Variants in OLFM3 observed in about 807,000 individuals in gnomAD.
OLFM3 encodes the protein olfactomedin 3.
In OLFM3, 20 loss-of-function variants were observed where a neutral mutation model predicts 48.6. The observed-to-expected ratio is 0.41, with a 90% CI of 0.29 to 0.60. The LOEUF (loss-of-function observed/expected upper bound fraction) is 0.60, where lower values mean the gene tolerates loss of function less well. OLFM3 is among the 20% of genes least tolerant of loss of function. The pLI, the probability that OLFM3 is intolerant of heterozygous loss-of-function variation, is 0.28. For synonymous variants in OLFM3, 222 were observed against 198.1 expected (o/e 1.12, Z -1.01); for missense variants, 437 against 544.3 (o/e 0.80, Z 1.96).
chr1:101,985,964 C>T (rs1661221582), intron 1 of OLFM3, among the ~76,000 whole-genome samples: 1 of 142,168 alleles, frequency 7.0e-6, no homozygotes, highest in South Asian at 2.3e-4. Context: ...TGATGAACTA[C>T]ATTTTTTTTT....
At chr1:101,822,955 G>T (rs1017448030) in intron 4 of OLFM3, among the ~76,000 whole-genome samples, 1 of 151,870 alleles carries the variant, frequency 6.6e-6, no homozygotes, top group Non-Finnish European at 1.5e-5. Flanking sequence ...CTGCCATTTT[G>T]ACTCAAATAG....
At chr1:101,811,530 A>G (rs941679832) in intron 4 of OLFM3, among the ~76,000 whole-genome samples, 3 of 152,230 alleles carry the variant, frequency 2.0e-5, no homozygotes, top group Admixed American at 6.5e-5. Context: ...GACGAAGGAT[A>G]TGAACAGACA....
At chr1:101,805,153 T>C (rs1005872028) in intron 5 of OLFM3, among the ~76,000 whole-genome samples, 5 of 151,846 alleles carry the variant, frequency 3.3e-5, no homozygotes, top group African/African-American at 7.2e-5. Context: ...CTTTTTTGCT[T>C]TTTCTCTCTT....
At chr1:101,961,908 G>T (rs1297598139) in intron 1 of OLFM3, among the ~76,000 whole-genome samples, 3 of 152,136 alleles carry the variant, frequency 2.0e-5, no homozygotes, top group Admixed American at 2.0e-4. Flanking sequence ...TCAGGGTTCA[G>T]CTACTTAGCT....
intron 1 of OLFM3, among the ~76,000 whole-genome samples, chr1:101,879,655 T>C (rs1420729650): frequency 2.0e-5 from 3 of 151,856 alleles, no homozygotes. Context: ...TAGATTTAGC[T>C]ATGGATTGAT....
intron 3 of OLFM3, among the ~76,000 whole-genome samples, chr1:101,827,703 C>T (rs1002400709): frequency 6.6e-6 from 1 of 152,060 alleles, no homozygotes; most frequent in Non-Finnish European, 1.5e-5. Flanking sequence ...GACCTAAAGT[C>T]TACTTGGAGA....
intron 1 of OLFM3, among the ~76,000 whole-genome samples, chr1:101,875,820 C>T (rs1657277967): frequency 6.6e-6 from 1 of 151,992 alleles, no homozygotes; most frequent in Non-Finnish European, 1.5e-5. Flanking sequence ...ATGGCCCTGA[C>T]AGTTTTAAAA....
intron 4 of OLFM3, among the ~76,000 whole-genome samples, chr1:101,806,472 C>T (rs1013414305): frequency 1.3e-5 from 2 of 151,516 alleles, no homozygotes; most frequent in African/African-American, 4.8e-5. Context: ...ATCATTATAC[C>T]AGTTCAGTGG....
intron 1 of OLFM3, among the ~76,000 whole-genome samples, chr1:101,985,634 T>G (rs1661213817): frequency 6.6e-6 from 1 of 152,216 alleles, no homozygotes; most frequent in South Asian, 2.1e-4. Context: ...CCATCTCTTT[T>G]GCTTTAACTT....
intron 1 of OLFM3, among the ~76,000 whole-genome samples, chr1:101,964,665 A>G (rs1660560518): frequency 6.6e-6 from 1 of 152,214 alleles, no homozygotes; most frequent in Admixed American, 6.5e-5. Flanking sequence ...TCACCTCACA[A>G]TCATGAAGAA....
intron 1 of OLFM3, among the ~76,000 whole-genome samples, chr1:101,906,157 T>C (rs2101023213): frequency 6.6e-6 from 1 of 152,114 alleles, no homozygotes; most frequent in Non-Finnish European, 1.5e-5. Flanking sequence ...GAGTCTAGAG[T>C]CTTGGAGAAA....
At chr1:101,943,977 C>T (rs1401654486) in intron 1 of OLFM3, among the ~76,000 whole-genome samples, 1 of 151,066 alleles carries the variant, frequency 6.6e-6, no homozygotes, top group African/African-American at 2.4e-5. Context: ...ATAAAATAAC[C>T]CCAAAAGAAT....
At chr1:101,823,193 G>A (rs1654691836) in intron 4 of OLFM3, among the ~76,000 whole-genome samples, 2 of 151,902 alleles carry the variant, frequency 1.3e-5, no homozygotes, top group South Asian at 4.1e-4. Flanking sequence ...CTTGTCCTCG[G>A]AAAAAAAGTC....
At chr1:101,921,295 C>G (rs1481506186) in intron 1 of OLFM3, among the ~76,000 whole-genome samples, 4 of 151,826 alleles carry the variant, frequency 2.6e-5, no homozygotes, top group African/African-American at 9.7e-5. Context: ...TTGATTCAAG[C>G]AAGGTTCTTA....
At chr1:101,834,376 T>A (rs1349661870) in intron 2 of OLFM3, among the ~76,000 whole-genome samples, 1 of 152,224 alleles carries the variant, frequency 6.6e-6, no homozygotes, top group African/African-American at 2.4e-5. Context: ...TGGGAACTAT[T>A]GTTGTAAATA....
At chr1:101,926,536 T>C (rs2101043760) in intron 1 of OLFM3, among the ~76,000 whole-genome samples, 1 of 152,330 alleles carries the variant, frequency 6.6e-6, no homozygotes, top group Admixed American at 6.5e-5. Context: ...CTTGTGACTT[T>C]GGACAAGTTA....
intron 1 of OLFM3, among the ~76,000 whole-genome samples, chr1:101,967,029 T>C (rs984485622): frequency 6.6e-6 from 1 of 152,208 alleles, no homozygotes; most frequent in Non-Finnish European, 1.5e-5. Flanking sequence ...TCTTTTGTCA[T>C]GTTTGCTCAT....
In OLFM3 at chr1:101,986,051, C is replaced by T. The variant is rs374675011; in HGVS notation, c.69+10697G>A. Reference sequence around the variant, plus strand: ...CGCGATCTCGGCTCACTGCAAGCTCCGCCTCCCGGGTTCACGCCATTCTCC... The same window carrying T: ...CGCGATCTCGGCTCACTGCAAGCTCTGCCTCCCGGGTTCACGCCATTCTCC... On this transcript the variant is annotated intron_variant, in intron 1 of 5. Transcript: ENST00000370103. Among the ~76,000 whole-genome samples, 7 of 151,336 alleles carry T rather than the reference C, an allele frequency of 4.6e-5. No individual in the cohort carries two copies. In the East Asian group the frequency reaches 5.8e-4, roughly 13 times the overall value.
intron 4 of OLFM3, among the ~76,000 whole-genome samples, chr1:101,811,921 A>G (rs189194775): frequency 1.3e-5 from 2 of 152,082 alleles, no homozygotes; most frequent in Non-Finnish European, 2.9e-5. Context: ...CAATAGCAAA[A>G]ACTTGGAACC....
Sources: gnomAD v4.1 joint callset for allele counts (sites outside exome capture counted in the v4.1 genomes callset) on GRCh38, gnomAD v4.1.1 for gene constraint, MANE v1.5 for transcripts, NCBI Gene and HGNC (gene_info 2026-07-23, HGNC 2026-07-21) for gene names.